SYNGR2: variants seen among roughly 807,000 people sequenced by gnomAD.
SYNGR2 encodes synaptogyrin-2.
In SYNGR2, 11 loss-of-function variants were observed where a neutral mutation model predicts 18.7. The ratio of observed to expected loss-of-function variants is 0.59; its 90% confidence interval spans 0.37 to 0.97. The LOEUF (loss-of-function observed/expected upper bound fraction) is 0.97, where lower values mean the gene tolerates loss of function less well. Ranked by LOEUF, SYNGR2 falls within the 50% of genes least tolerant of loss-of-function variation. The pLI is 0.01. For missense variants in SYNGR2, 253 were observed against 300.7 expected, an observed-to-expected ratio of 0.84 and a Z score of 1.17; for synonymous variants, 127 against 131.0, an observed-to-expected ratio of 0.97 and a Z score of 0.21.
intron 1 of SYNGR2, among the ~76,000 whole-genome samples, chr17:78,169,524 G>C (rs915773592): frequency 2.6e-5 from 4 of 152,142 alleles, no homozygotes; most frequent in African/African-American, 9.7e-5. Context: ...TGGGCACCCT[G>C]CTCCCATCAT....
At position 78,171,811 on chromosome 17, in the gene SYNGR2, C is replaced by T. The variant is rs757244698; in HGVS notation, c.550C>T (p.Pro184Ser). The T allele has an allele frequency of 1.9e-6, 3 of 1,614,112 alleles. No homozygotes were observed. The East Asian group carries it at 6.7e-5, about 36-fold the overall frequency. ...CGACTTCATCCAGAATTACGTTGAC[C>T]CCACTCCGGACCCCAACACTGCCTA... is the stretch of plus-strand genomic sequence containing the variant. ...VDDFIQNYVD[P>S]TPDPNTAYAS... is the part of the protein sequence containing the mutation. The change falls in exon 4 of 4, where the codon CCC becomes TCC. Residue 184 changes from proline to serine, a missense_variant. Transcript: ENST00000225777. The surrounding 1 kb of genome is among the most constrained non-coding windows in gnomAD (Gnocchi z 6.6).
At position 78,171,132 on chromosome 17, in the gene SYNGR2, C is replaced by T. The variant is rs1489549315; in HGVS notation, c.337+78C>T. ...GTTCCGCAGCTGGGAGGGTCTCGGCCTCTCTGGGAGGGGCAGGGAGCAGCT... is the reference window on the plus strand; with the variant it reads ...GTTCCGCAGCTGGGAGGGTCTCGGCTTCTCTGGGAGGGGCAGGGAGCAGCT... On this transcript the variant is annotated intron_variant, in intron 2 of 3. Coordinates refer to ENST00000225777, the MANE Select transcript of SYNGR2 (RefSeq NM_004710.7). This position sits in a 1 kb window ranked among gnomAD's most constrained non-coding sequence, Gnocchi z 6.6. 1.4e-6 allele frequency: 2 copies of T among 1,423,968 alleles called. No individual in the cohort carries two copies. Among genetic ancestry groups the T allele is most frequent in the Admixed American group, 3.6e-5 (2 of 55,564 alleles). The allele number at this position is 1,423,968 out of a possible 1,614,324, so 88.2% of individuals were successfully genotyped here.
chr17:78,171,450 C>T lies in SYNGR2; in HGVS notation c.338-60C>T, dbSNP rs979346141. ...TGCCCTACCTGCCCGCGTCCCCTCCCAGAGTCCTGGAAAGCCCCTCCCTTT... is the reference window on the plus strand; with the variant it reads ...TGCCCTACCTGCCCGCGTCCCCTCCTAGAGTCCTGGAAAGCCCCTCCCTTT... On this transcript the variant is annotated intron_variant, in intron 2 of 3. Transcript: ENST00000225777. The surrounding 1 kb of genome is among the most constrained non-coding windows in gnomAD (Gnocchi z 6.6). 6.6e-7 allele frequency: 1 copy of T among 1,508,684 alleles called. No individual in the cohort carries two copies. The highest frequency in any genetic ancestry group is 8.9e-7 in the Non-Finnish European group (1 of 1,129,120). 93.5% of individuals were successfully genotyped at this position (1,508,684 alleles called of 1,614,324 possible).
chr17:78,169,215 C>G (rs2075640521), intron 1 of SYNGR2: 2 of 148,286 alleles, frequency 1.3e-5, no homozygotes, highest in African/African-American at 5.1e-5. Context: ...CCAAGATGTA[C>G]CCCCTCCCTG....
upstream of SYNGR2, chr17:78,168,546 G>A: frequency 1.0e-6 from 1 of 993,360 alleles, no homozygotes; most frequent in Non-Finnish European, 1.3e-6. Flanking sequence ...GCCCCCGGCG[G>A]GTGGAGTCGG....
At chr17:78,168,575 T>TA, upstream of SYNGR2, 1 of 1,146,504 alleles carries the variant, frequency 8.7e-7, no homozygotes, top group Non-Finnish European at 1.1e-6. Flanking sequence ...CCGGGCAGGT[T>TA]CCTCTGCGTT....
Position 78,172,693 on chromosome 17 carries a change from G to C in SYNGR2, c.*757G>C, listed in dbSNP as rs1371878090. The C allele has an allele frequency of 6.6e-6, 1 of 152,372 alleles. No individual in the cohort carries two copies. The highest frequency in any genetic ancestry group is 1.5e-5 in the Non-Finnish European group (1 of 68,176). The allele number at this position is 152,372 out of a possible 1,614,324, so 9.4% of individuals were successfully genotyped here. On this transcript the variant is annotated 3_prime_UTR_variant, in exon 4 of 4. Coordinates refer to ENST00000225777, the MANE Select transcript of SYNGR2 (RefSeq NM_004710.7). ...AGATGCCCGGCCTGGGATGCTGTTT[G>C]GAGACGGAATAAATGTTTTCTCATT... is the stretch of plus-strand genomic sequence containing the variant.
chr17:78,170,606 A>G (rs1245464104), intron 1 of SYNGR2: 1 of 619,202 alleles, frequency 1.6e-6, no homozygotes, highest in Admixed American at 2.5e-5. Context: ...AATTGCTTGA[A>G]CCCAGGAGGC....
In SYNGR2 at chr17:78,171,128, C is replaced by T. The variant is rs372282795; in HGVS notation, c.337+74C>T. The stretch of plus-strand genomic sequence containing the variant: ...TAGGGTTCCGCAGCTGGGAGGGTCT[C>T]GGCCTCTCTGGGAGGGGCAGGGAGC... On this transcript the variant is annotated intron_variant, in intron 2 of 3. Transcript: ENST00000225777. This position sits in a 1 kb window ranked among gnomAD's most constrained non-coding sequence, Gnocchi z 6.6. The T allele has an allele frequency of 1.5e-5, 22 of 1,453,224 alleles. No individual in the cohort carries two copies. Among genetic ancestry groups the T allele is most frequent in the African/African-American group, 7.0e-5 (5 of 71,562 alleles). The allele number at this position is 1,453,224 out of a possible 1,614,324, so 90.0% of individuals were successfully genotyped here. A position where few individuals can be genotyped will look rare whatever the true frequency, so the allele number is the denominator to read the frequency against.
chr17:78,171,906 C>T lies in SYNGR2; in HGVS notation c.645C>T (p.Thr215=), dbSNP rs746644500. ...QPPFTQNAET[T]EGYQPPPVY is the part of the protein sequence containing the mutation. ...CCTTCACCCAGAACGCGGAGACCAC[C>T]GAGGGCTACCAGCCGCCCCCTGTGT... The change falls in exon 4 of 4, where the codon ACC becomes ACT. Residue 215 remains threonine (T), a synonymous_variant. Transcript: ENST00000225777. The surrounding 1 kb of genome is among the most constrained non-coding windows in gnomAD (Gnocchi z 6.6). The T allele has an allele frequency of 8.7e-5, 141 of 1,613,682 alleles. No individual in the cohort carries two copies. The highest frequency in any genetic ancestry group is 3.3e-4 in the Middle Eastern group (2 of 6,084).
At position 78,168,612 on chromosome 17, in the gene SYNGR2, G is replaced by A; in HGVS notation, c.-5G>A. On this transcript the variant is annotated 5_prime_UTR_variant, in exon 1 of 4. Coordinates refer to ENST00000225777, the MANE Select transcript of SYNGR2 (RefSeq NM_004710.7). ...CGCGGCGGCGGCAGCGGCGGCGACG[G>A]CGACATGGAGAGCGGGGCCTACGGC... 8.3e-7 allele frequency: 1 copy of A among 1,199,702 alleles called. No homozygotes were observed. The highest frequency in any genetic ancestry group is 4.2e-5 in the South Asian group (1 of 24,048). 74.3% of individuals were successfully genotyped at this position (1,199,702 alleles called of 1,614,324 possible).
Position 78,171,649 on chromosome 17 carries a change from G to C in SYNGR2, c.477G>C (p.Trp159Cys). 1 of 1,603,716 alleles carries C rather than the reference G, an allele frequency of 6.2e-7. No individual in the cohort carries two copies. The highest frequency in any genetic ancestry group is 8.5e-7 in the Non-Finnish European group (1 of 1,172,704). The change falls in exon 3 of 4, where the codon TGG becomes TGC. Residue 159 changes from tryptophan to cysteine, a missense_variant and splice_region_variant. By Grantham distance (215) the Trp-to-Cys change is radical. Coordinates refer to ENST00000225777, the MANE Select transcript of SYNGR2 (RefSeq NM_004710.7). The surrounding 1 kb of genome is among the most constrained non-coding windows in gnomAD (Gnocchi z 6.6). ...ITFSFFSIFS[W>C]GVLASLAYQR... ...TCAGCTTCTTTTCCATCTTCTCCTG[G>C]GTAGGATGGCCAGGGGCCGGTTCTT...
At chr17:78,168,798 C>T in intron 1 of SYNGR2, 83 bp downstream of exon 1, 1 of 1,123,790 alleles carries the variant, frequency 8.9e-7, no homozygotes, top group Non-Finnish European at 1.1e-6. Context: ...AGCCCACGAG[C>T]GCGACAGGTG....
chr17:78,172,924 C>G (rs1022805291), downstream of SYNGR2: 1 of 152,264 alleles, frequency 6.6e-6, no homozygotes, highest in African/African-American at 2.4e-5. Context: ...AAAATAGTAA[C>G]TGTGCTCAGC....
chr17:78,171,822 C>T lies in SYNGR2; in HGVS notation c.561C>T (p.Asp187=), dbSNP rs773766118. The part of the protein sequence containing the change: ...FIQNYVDPTP[D]PNTAYASYPG... ...AGAATTACGTTGACCCCACTCCGGA[C>T]CCCAACACTGCCTACGCCTCCTACC... The change falls in exon 4 of 4, where the codon GAC becomes GAT. Residue 187 remains aspartate, a synonymous_variant. Coordinates refer to ENST00000225777, the MANE Select transcript of SYNGR2 (RefSeq NM_004710.7). The surrounding 1 kb of genome is among the most constrained non-coding windows in gnomAD (Gnocchi z 6.6). The T allele has an allele frequency of 6.2e-6, 10 of 1,614,018 alleles. No individual in the cohort carries two copies. The highest frequency in any genetic ancestry group is 5.0e-5 in the Admixed American group (3 of 60,014).
chr17:78,171,018 C>T lies in SYNGR2; in HGVS notation c.301C>T (p.Arg101Cys), dbSNP rs147752279. 9 of 1,613,258 alleles carry T rather than the reference C, an allele frequency of 5.6e-6. No homozygotes were observed. The African/African-American group carries it at 6.7e-5, about 12-fold the overall frequency. ...YFPQISNATDRKYLVIGDLLF... is the reference protein window; with the variant it reads ...YFPQISNATDCKYLVIGDLLF... ...CCCCCAGATCAGCAACGCCACTGAC[C>T]GCAAGTACCTGGTCATTGGTGACCT... is the stretch of plus-strand genomic sequence containing the variant. The change falls in exon 2 of 4, where the codon CGC becomes TGC. Residue 101 changes from arginine (R) to cysteine (C), a missense_variant. Arg to Cys is a radical substitution (Grantham distance 180). Coordinates refer to ENST00000225777, the MANE Select transcript of SYNGR2 (RefSeq NM_004710.7). This position sits in a 1 kb window ranked among gnomAD's most constrained non-coding sequence, Gnocchi z 6.6.
rs1014341931 is a variant in SYNGR2, at chr17:78,171,341, G to A, written c.338-169G>A. The A allele has an allele frequency of 1.8e-5, 15 of 838,766 alleles. No individual in the cohort carries two copies. The highest frequency in any genetic ancestry group is 1.5e-4 in the African/African-American group (9 of 58,112). The allele number at this position is 838,766 out of a possible 1,614,324, so 52.0% of individuals were successfully genotyped here. A position where few individuals can be genotyped will look rare whatever the true frequency, so the allele number is the denominator to read the frequency against. ...GCTGTGGCCCACCCTGCCAAGGCCC[G>A]AGTGTGGGGGACTTTGGAGGTGGCT... is the stretch of plus-strand genomic sequence containing the variant. On this transcript the variant is annotated intron_variant, in intron 2 of 3. Transcript: ENST00000225777. This position sits in a 1 kb window ranked among gnomAD's most constrained non-coding sequence, Gnocchi z 6.6.
intron 1 of SYNGR2, among the ~76,000 whole-genome samples, chr17:78,169,458 T>G (rs2075643998): frequency 6.6e-6 from 1 of 152,138 alleles, no homozygotes; most frequent in African/African-American, 2.4e-5. Context: ...TGTCCTGGGC[T>G]GTGTCCAAGA....
chr17:78,168,555 G>C, upstream of SYNGR2: 1 of 1,063,678 alleles, frequency 9.4e-7, no homozygotes, highest in Non-Finnish European at 1.2e-6. Flanking sequence ...GGGTGGAGTC[G>C]GGCGGGGCGC....
Sources: gnomAD v4.1 joint callset for allele counts (sites outside exome capture counted in the v4.1 genomes callset) on GRCh38, gnomAD v4.1.1 for gene constraint, Gnocchi (gnomAD v3.1) non-coding constraint, MANE v1.5 for transcripts, NCBI Gene and HGNC (gene_info 2026-07-23, HGNC 2026-07-21) for gene names.